TNNI2: variants seen among roughly 807,000 people sequenced by gnomAD.
TNNI2 encodes troponin I, fast skeletal muscle.
Under a neutral mutation model 26.5 loss-of-function variants are expected in TNNI2, and 14 were observed. That is an observed-to-expected ratio of 0.53 (90% CI 0.35 to 0.83). TNNI2 has a LOEUF of 0.83. Ranked by LOEUF, TNNI2 falls within the 40% of genes least tolerant of loss-of-function variation. TNNI2 has a pLI of 0.01. For synonymous variants in TNNI2, 126 were observed against 97.6 expected (o/e 1.29, Z -1.71); for missense variants, 205 against 248.5 (o/e 0.82, Z 1.18).
At chr11:1,839,895 G>A (rs1847125270) in intron 3 of TNNI2, 40 bp downstream of exon 3, 1 of 1,613,082 alleles carries the variant, frequency 6.2e-7, no homozygotes, top group South Asian at 1.1e-5. Flanking sequence ...ACGAGGAGGG[G>A]GCTCCCCCAA....
At position 1,840,197 on chromosome 11, in the gene TNNI2, G is replaced by T. The variant is rs939216968; in HGVS notation, c.16-206G>T. On this transcript the variant is annotated intron_variant, in intron 3 of 7. Transcript: ENST00000381911. ...GCCTCCCAGCACCATGTGCCACCTGGCAAAGTGTCACACACCACACAGCAC... is the reference window on the plus strand; with the variant it reads ...GCCTCCCAGCACCATGTGCCACCTGTCAAAGTGTCACACACCACACAGCAC... 3 of 1,551,046 alleles carry T rather than the reference G, an allele frequency of 1.9e-6. No individual in the cohort carries two copies. The African/African-American group carries it at 4.1e-5, about 21-fold the overall frequency.
At chr11:1,839,581 T>G in intron 1 of TNNI2, 94 bp from the exon 2 acceptor site, 1 of 1,369,330 alleles carries the variant, frequency 7.3e-7, no homozygotes, top group Non-Finnish European at 1.0e-6. Flanking sequence ...GGGGCTGTCA[T>G]CAGGAGCCCT....
Position 1,841,402 on chromosome 11 carries a change from G to T in TNNI2, c.454-54G>T. 9.4e-6 allele frequency: 15 copies of T among 1,588,894 alleles called. No homozygotes were observed. The South Asian group carries it at 1.7e-4, about 18-fold the overall frequency. On this transcript the variant is annotated intron_variant, in intron 7 of 7. Coordinates refer to ENST00000381911, the MANE Select transcript of TNNI2 (RefSeq NM_003282.4). The stretch of plus-strand genomic sequence containing the variant: ...CTGAGGCTGAAGGTGGTGTGGACCA[G>T]GGTGCGTGCATAAGTGGGTGAGCCT...
At position 1,840,662 on chromosome 11, in the gene TNNI2, A is replaced by G; in HGVS notation, c.186+6A>G. On this transcript the variant is annotated splice_donor_region_variant and intron_variant, in intron 5 of 7. Transcript: ENST00000381911. ...GCTCCATGTCTGAAGTGCAGGTACCAGCCCCTCCCCGGCCACCCCGCCTCC... is the reference window on the plus strand; with the variant it reads ...GCTCCATGTCTGAAGTGCAGGTACCGGCCCCTCCCCGGCCACCCCGCCTCC... The G allele has an allele frequency of 6.2e-7, 1 of 1,612,670 alleles. No homozygotes were observed. The highest frequency in any genetic ancestry group is 1.1e-5 in the South Asian group (1 of 91,084).
At chr11:1,839,539 G>A in intron 1 of TNNI2, 136 bp from the exon 2 acceptor site, 2 of 779,038 alleles carry the variant, frequency 2.6e-6, no homozygotes, top group Non-Finnish European at 4.2e-6. Flanking sequence ...TGAGAGTAGG[G>A]GGAGGAGGTG....
rs755654385 is a variant in TNNI2 at position 1,841,219 on chromosome 11, G to A, written c.453+12G>A. The A allele has an allele frequency of 1.7e-5, 28 of 1,609,106 alleles. No homozygotes were observed. The highest frequency in any genetic ancestry group is 3.3e-5 in the Admixed American group (2 of 59,976). On this transcript the variant is annotated intron_variant, in intron 7 of 7. Coordinates refer to ENST00000381911, the MANE Select transcript of TNNI2 (RefSeq NM_003282.4). ...AGGACACAGAGAAGGTGCGTGCCACGGGGGGAGCACCACCACACCTACCCT... is the reference window on the plus strand; with the variant it reads ...AGGACACAGAGAAGGTGCGTGCCACAGGGGGAGCACCACCACACCTACCCT...
Position 1,840,673 on chromosome 11 carries a change from G to C in TNNI2, c.186+17G>C. The C allele has an allele frequency of 6.2e-7, 1 of 1,612,502 alleles. No homozygotes were observed. The highest frequency in any genetic ancestry group is 8.5e-7 in the Non-Finnish European group (1 of 1,179,800). ...GAAGTGCAGGTACCAGCCCCTCCCC[G>C]GCCACCCCGCCTCCCCAGCAGCAGG... On this transcript the variant is annotated intron_variant, in intron 5 of 7. Coordinates refer to ENST00000381911, the MANE Select transcript of TNNI2 (RefSeq NM_003282.4).
chr11:1,839,404 T>A (rs1244698478), intron 1 of TNNI2: 3 of 520,324 alleles, frequency 5.8e-6, no homozygotes, highest in African/African-American at 5.7e-5. Flanking sequence ...CCACCTGCGC[T>A]GGCCCATCCC....
chr11:1,840,944 G>A (rs777212330), intron 6 of TNNI2, 36 bp downstream of exon 6: 11 of 1,603,412 alleles, frequency 6.9e-6, no homozygotes, highest in Admixed American at 3.4e-5. Context: ...CAGGCGGGTA[G>A]GCGGTGGCCC....
chr11:1,840,996 G>T, intron 6 of TNNI2, 35 bp from the exon 7 acceptor site: 2 of 1,603,698 alleles, frequency 1.2e-6, no homozygotes, highest in South Asian at 1.1e-5. Context: ...AGACCACCGG[G>T]ACCTCGGGCT....
Position 1,841,078 on chromosome 11 carries a change from G to T in TNNI2, c.324G>T (p.Lys108Asn). The T allele has an allele frequency of 6.2e-7, 1 of 1,613,210 alleles. No individual in the cohort carries two copies. Among genetic ancestry groups the T allele is most frequent in the Non-Finnish European group, 8.5e-7 (1 of 1,179,958 alleles). The stretch of plus-strand genomic sequence containing the variant: ...TATTTGATCTGCGGGGCAAGTTCAA[G>T]CGGCCCCCACTGCGGAGGGTGCGCA... ...QKLFDLRGKF[K>N]RPPLRRVRMS... Residue 108 changes from lysine to asparagine, a missense_variant, in exon 7 of 8, where the codon AAG becomes AAT. Lys to Asn is a moderately conservative substitution (Grantham distance 94, BLOSUM62 0). Transcript: ENST00000381911.
chr11:1,840,724 C>T, intron 5 of TNNI2, 68 bp downstream of exon 5: 1 of 1,610,714 alleles, frequency 6.2e-7, no homozygotes, highest in East Asian at 2.2e-5. Flanking sequence ...AGTTTCCCCA[C>T]TTGTCAAGAG....
Position 1,841,081 on chromosome 11 carries a change from G to A in TNNI2, c.327G>A (p.Arg109=). 1 of 1,613,182 alleles carries A rather than the reference G, an allele frequency of 6.2e-7. No homozygotes were observed. The highest frequency in any genetic ancestry group is 1.3e-5 in the African/African-American group (1 of 75,058). Residue 109 remains arginine, a synonymous_variant, in exon 7 of 8, where the codon CGG becomes CGA. Coordinates refer to ENST00000381911, the MANE Select transcript of TNNI2 (RefSeq NM_003282.4). ...TTGATCTGCGGGGCAAGTTCAAGCGGCCCCCACTGCGGAGGGTGCGCATGT... is the reference window on the plus strand; with the variant it reads ...TTGATCTGCGGGGCAAGTTCAAGCGACCCCCACTGCGGAGGGTGCGCATGT... ...KLFDLRGKFK[R]PPLRRVRMSA... is the part of the protein sequence containing the mutation.
chr11:1,840,656 G>T lies in TNNI2; in HGVS notation c.186G>T (p.Gln62His), dbSNP rs1268513978. Residue 62 changes from glutamine (Q) to histidine (H), a missense_variant and splice_region_variant, in exon 5 of 8, where the codon CAG becomes CAT. Transcript: ENST00000381911. ...TCCCGGGCTCCATGTCTGAAGTGCAGGTACCAGCCCCTCCCCGGCCACCCC... is the reference window on the plus strand; with the variant it reads ...TCCCGGGCTCCATGTCTGAAGTGCATGTACCAGCCCCTCCCCGGCCACCCC... ...LHIPGSMSEV[Q>H]ELCKQLHAKI... The T allele has an allele frequency of 1.2e-6, 2 of 1,612,594 alleles. No homozygotes were observed. The highest frequency in any genetic ancestry group is 2.7e-5 in the African/African-American group (2 of 74,934).
At chr11:1,840,783 G>C in intron 5 of TNNI2, 36 bp from the exon 6 acceptor site, 1 of 1,603,660 alleles carries the variant, frequency 6.2e-7, no homozygotes, top group South Asian at 1.1e-5. Context: ...GCTGCCAAGT[G>C]TCAGGACGGC....
intron 6 of TNNI2, 60 bp from the exon 7 acceptor site, chr11:1,840,971 G>T: frequency 1.9e-6 from 3 of 1,578,266 alleles, no homozygotes; most frequent in Admixed American, 1.8e-5. Flanking sequence ...CAGGCGGGGC[G>T]GGCCGGGGAG....
intron 2 of TNNI2, 28 bp from the exon 3 acceptor site, chr11:1,839,821 C>T: frequency 6.2e-7 from 1 of 1,613,866 alleles, no homozygotes; most frequent in East Asian, 2.2e-5. Flanking sequence ...CTCTCCCCGT[C>T]CTGCCTGCGT....
At chr11:1,840,999 C>T in intron 6 of TNNI2, 32 bp from the exon 7 acceptor site, 2 of 1,605,692 alleles carry the variant, frequency 1.2e-6, no homozygotes, top group Non-Finnish European at 1.7e-6. Flanking sequence ...CCACCGGGAC[C>T]TCGGGCTCCC....
At chr11:1,840,187 G>A (rs1326429861) in intron 3 of TNNI2, 15 of 1,550,952 alleles carry the variant, frequency 9.7e-6, no homozygotes, top group African/African-American at 1.4e-5. Context: ...CCAGCACCAT[G>A]TGCCACCTGG....
Sources: gnomAD v4.1 joint callset for allele counts on GRCh38, gnomAD v4.1.1 for gene constraint, MANE v1.5 for transcripts, NCBI Gene and HGNC (gene_info 2026-07-23, HGNC 2026-07-21) for gene names.